The following CTNNA3 variants were observed in gnomAD, a reference collection of about 807,000 sequenced individuals.
CTNNA3 encodes catenin alpha 3, also known as catenin alpha-3.
Under a neutral mutation model 95.7 loss-of-function variants are expected in CTNNA3, and 76 were observed. The ratio of observed to expected loss-of-function variants is 0.79; its 90% CI spans 0.66 to 0.96. CTNNA3 has a LOEUF of 0.96. Ranked by LOEUF, CTNNA3 falls within the 40% of genes least tolerant of loss-of-function variation. The probability of loss-of-function intolerance (pLI) is 0.00; values close to 1 mark genes in which losing one functional copy is unlikely to be tolerated. For missense variants in CTNNA3, 1,191 were observed against 1,089.8 expected (o/e 1.09, Z -1.31); for synonymous variants, 431 against 374.4 (o/e 1.15, Z -1.74).
At chr10:67,761,875 CA>C (rs56264829) in intron 1 of CTNNA3, among the ~76,000 whole-genome samples, 433 of 132,340 alleles carry the variant, frequency 3.3e-3, no homozygotes, top group Non-Finnish European at 3.2e-3. Flanking sequence ...AAGACTCCGT[CA>C]AAAAAAAAAA....
rs558279736 is a variant in CTNNA3 at position 66,211,816 on chromosome 10, G to A, written c.1884+68654C>T. Among the ~76,000 whole-genome samples the A allele has an allele frequency of 1.1e-4, 16 of 152,146 alleles. No individual in the cohort carries two copies. In the South Asian group the frequency reaches 3.3e-3, roughly 32 times the overall value. On this transcript the variant is annotated intron_variant, in intron 13 of 17. Transcript: ENST00000433211. ...CCAATTCCACAACAGAGTTGCAATC[G>A]GAGGGACCCAACAGGCAAGTTTTTC...
chr10:67,260,096 C>T (rs144602162), intron 5 of CTNNA3, among the ~76,000 whole-genome samples: 53 of 152,228 alleles, frequency 3.5e-4, no homozygotes, highest in African/African-American at 1.2e-3. Context: ...TATACATTAG[C>T]GCTGCGCTAA....
intron 9 of CTNNA3, among the ~76,000 whole-genome samples, chr10:66,672,000 G>A (rs990988465): frequency 1.3e-5 from 2 of 152,174 alleles, no homozygotes; most frequent in Non-Finnish European, 2.9e-5. Flanking sequence ...CTGACAAACT[G>A]AGACCTCAAC....
intron 15 of CTNNA3, among the ~76,000 whole-genome samples, chr10:66,066,850 T>A (rs572441747): frequency 6.6e-6 from 1 of 152,286 alleles, no homozygotes; most frequent in Non-Finnish European, 1.5e-5. Flanking sequence ...CATAATAGAT[T>A]ATAAAATTTA....
intron 2 of CTNNA3, among the ~76,000 whole-genome samples, chr10:67,611,710 C>T (rs1843465612): frequency 6.6e-6 from 1 of 151,802 alleles, no homozygotes; most frequent in African/African-American, 2.4e-5. Context: ...TTAATTCTAC[C>T]CTCATTGTAG....
At chr10:67,533,069 A>G (rs1199103711) in intron 4 of CTNNA3, among the ~76,000 whole-genome samples, 2 of 152,212 alleles carry the variant, frequency 1.3e-5, no homozygotes, top group Non-Finnish European at 2.9e-5. Flanking sequence ...GACGCCTGTA[A>G]TCCCAGCACT....
chr10:66,833,157 C>T (rs1021075843), intron 7 of CTNNA3, among the ~76,000 whole-genome samples: 2 of 152,128 alleles, frequency 1.3e-5, no homozygotes, highest in African/African-American at 2.4e-5. Flanking sequence ...GCTAGGTAGT[C>T]CTCTGAGGTC....
chr10:66,608,908 G>C (rs919757387), intron 10 of CTNNA3, among the ~76,000 whole-genome samples: 35 of 151,982 alleles, frequency 2.3e-4, no homozygotes, highest in Middle Eastern at 3.2e-3. Context: ...GACACTAAAA[G>C]CAATTACAAC....
At chr10:67,756,979 A>G (rs192737430) in intron 1 of CTNNA3, among the ~76,000 whole-genome samples, 128 of 152,318 alleles carry the variant, frequency 8.4e-4, no homozygotes, top group Non-Finnish European at 1.7e-3. Flanking sequence ...CTATTTTTCA[A>G]ACTTTTTATT....
rs142471522 is a variant in CTNNA3 at position 66,626,779 on chromosome 10, A to T, written c.1282-4995T>A. On this transcript the variant is annotated intron_variant, in intron 9 of 17. Transcript: ENST00000433211. ...CCAGTAAATAGCTATTAAAAAGAAAAGTCCAATTCCCTTCTGTCAAGATAT... is the reference window on the plus strand; with the variant it reads ...CCAGTAAATAGCTATTAAAAAGAAATGTCCAATTCCCTTCTGTCAAGATAT... Among the ~76,000 whole-genome samples the T allele has an allele frequency of 1.4e-3, 218 of 152,270 alleles. 1 individual carries two copies. The highest frequency in any genetic ancestry group is 5.1e-3 in the African/African-American group (211 of 41,562).
intron 7 of CTNNA3, among the ~76,000 whole-genome samples, chr10:66,879,196 T>C (rs186212914): frequency 3.3e-4 from 50 of 152,222 alleles, no homozygotes; most frequent in Admixed American, 2.2e-3. Flanking sequence ...TTCCTAATCA[T>C]GGTATTAAGA....
intron 7 of CTNNA3, among the ~76,000 whole-genome samples, chr10:66,860,461 T>C (rs1284895584): frequency 6.6e-6 from 1 of 152,132 alleles, no homozygotes; most frequent in Non-Finnish European, 1.5e-5. Flanking sequence ...ACCAACCTCA[T>C]TCAAAAATAT....
At chr10:66,742,157 C>T (rs1365362612) in intron 9 of CTNNA3, among the ~76,000 whole-genome samples, 1 of 152,132 alleles carries the variant, frequency 6.6e-6, no homozygotes, top group Non-Finnish European at 1.5e-5. Context: ...CAGCAAGGAA[C>T]GTCCCTGAGA....
At chr10:67,733,433 T>A (rs1454196838) in intron 1 of CTNNA3, among the ~76,000 whole-genome samples, 2 of 152,152 alleles carry the variant, frequency 1.3e-5, no homozygotes, top group Non-Finnish European at 2.9e-5. Context: ...CCGTAGATCA[T>A]ACCCATCTTC....
At chr10:66,525,251 C>G (rs1054034557) in intron 10 of CTNNA3, among the ~76,000 whole-genome samples, 1 of 151,704 alleles carries the variant, frequency 6.6e-6, no homozygotes, top group African/African-American at 2.4e-5. Context: ...TTGAGAGTAT[C>G]CTATTTTGGA....
chr10:66,946,713 G>A (rs1848290774), intron 7 of CTNNA3, among the ~76,000 whole-genome samples: 1 of 152,036 alleles, frequency 6.6e-6, no homozygotes, highest in Non-Finnish European at 1.5e-5. Context: ...CTTGAGTGTA[G>A]TTGTAGAACT....
chr10:66,196,779 C>T (rs1384282295), intron 13 of CTNNA3, among the ~76,000 whole-genome samples: 1 of 152,058 alleles, frequency 6.6e-6, no homozygotes, highest in Non-Finnish European at 1.5e-5. Flanking sequence ...GGAGGCCATA[C>T]CAGGAAGCCC....
At chr10:66,793,535 T>C (rs1437366626) in intron 7 of CTNNA3, among the ~76,000 whole-genome samples, 1 of 152,122 alleles carries the variant, frequency 6.6e-6, no homozygotes, top group African/African-American at 2.4e-5. Context: ...TTGTCCAGTA[T>C]CTATTATACA....
At position 65,918,306 on chromosome 10, in the gene CTNNA3, G is replaced by A. The variant is rs1404927591; in HGVS notation, c.*2024C>T. 2 of 151,970 alleles carry A rather than the reference G, an allele frequency of 1.3e-5. No homozygotes were observed. Among genetic ancestry groups the A allele is most frequent in the Non-Finnish European group, 2.9e-5 (2 of 67,986 alleles). 9.4% of individuals were successfully genotyped at this position (151,970 alleles called of 1,614,324 possible). On this transcript the variant is annotated 3_prime_UTR_variant, in exon 18 of 18. Transcript: ENST00000433211. ...ATGATTCTTGTGAATGTGGCTTTAG[G>A]AGCTAAGATACACAACTGCTAGTTT...
Sources: allele counts gnomAD v4.1 joint callset (sites outside exome capture counted in the v4.1 genomes callset), GRCh38; gene constraint gnomAD v4.1.1; transcripts MANE v1.5; gene names NCBI Gene and HGNC (gene_info 2026-07-23, HGNC 2026-07-21).